Variants in SCN3A observed in about 807,000 individuals in gnomAD.
SCN3A encodes the protein sodium voltage-gated channel alpha subunit 3, also known as sodium channel protein type 3 subunit alpha.
A neutral mutation model predicts 187.6 loss-of-function variants in SCN3A; 60 were observed. The observed-to-expected ratio is 0.32, with a 90% CI of 0.26 to 0.40. The LOEUF (loss-of-function observed/expected upper bound fraction) is 0.40. Among genes scored for constraint, SCN3A ranks in the 10% least tolerant of loss-of-function variants. SCN3A has a pLI of 1.00. For missense variants in SCN3A, 1,601 were observed against 2,428.2 expected (o/e 0.66, Z 7.16); for synonymous variants, 788 against 829.2 (o/e 0.95, Z 0.85).
rs3754961 is a variant in SCN3A at position 165,170,666 on chromosome 2, A to G, written c.265-118T>C. On this transcript the variant is annotated intron_variant, in intron 3 of 27. Coordinates refer to ENST00000283254, the MANE Select transcript of SCN3A (RefSeq NM_006922.4). ...TGTTTGTTCAAACTTGTTTGTTTAAACCAGTTGATATATCATAACTACAAA... is the reference window on the plus strand; with the variant it reads ...TGTTTGTTCAAACTTGTTTGTTTAAGCCAGTTGATATATCATAACTACAAA... The G allele has an allele frequency of 0.19, 127,235 of 678,186 alleles. 16,315 individuals carry two copies. Among genetic ancestry groups the G allele is most frequent in the East Asian group, 0.48 (17,917 of 37,426 alleles). 42.0% of individuals were successfully genotyped at this position (678,186 alleles called of 1,614,324 possible). A position where few individuals can be genotyped will look rare whatever the true frequency, so the allele number is the denominator to read the frequency against.
At position 165,147,032 on chromosome 2, in the gene SCN3A, G is replaced by A. The variant is rs756980047; in HGVS notation, c.1381-3C>T. The A allele has an allele frequency of 7.4e-6, 12 of 1,613,748 alleles. No individual in the cohort carries two copies. In the African/African-American group the frequency reaches 1.5e-4, roughly 20 times the overall value. On this transcript the variant is annotated splice_region_variant and splice_polypyrimidine_tract_variant and intron_variant, in intron 11 of 27. Transcript: ENST00000283254. ...GCAGCTGATGCTGCCGCAACTGCCT[G>A]TCATAAAACAAAGCCAGGCACTATT... is the stretch of plus-strand genomic sequence containing the variant.
At chr2:165,109,877 G>A (rs1233585512) in intron 21 of SCN3A, among the ~76,000 whole-genome samples, 3 of 151,986 alleles carry the variant, frequency 2.0e-5, no homozygotes, top group South Asian at 2.1e-4. Flanking sequence ...TTTTGAGTTC[G>A]GTTTCTACCA....
At chr2:165,168,676 A>G in intron 5 of SCN3A, 60 bp downstream of exon 5, 1 of 1,136,172 alleles carries the variant, frequency 8.8e-7, no homozygotes, top group Non-Finnish European at 1.3e-6. Context: ...TATACCCACA[A>G]GGAGATTGCT....
At chr2:165,126,982 A>G (rs917096922) in intron 18 of SCN3A, among the ~76,000 whole-genome samples, 2 of 152,222 alleles carry the variant, frequency 1.3e-5, no homozygotes, top group African/African-American at 4.8e-5. Context: ...GAGAGTAAGG[A>G]GATGACGAAA....
chr2:165,110,284 T>C (rs1021023460), intron 21 of SCN3A, among the ~76,000 whole-genome samples: 1 of 152,248 alleles, frequency 6.6e-6, no homozygotes, highest in Non-Finnish European at 1.5e-5. Context: ...TATGATCCTT[T>C]ATAAGGTACT....
At chr2:165,126,195 T>C (rs1686978916) in intron 18 of SCN3A, among the ~76,000 whole-genome samples, 1 of 152,238 alleles carries the variant, frequency 6.6e-6, no homozygotes, top group Non-Finnish European at 1.5e-5. Flanking sequence ...AAAACCTGTC[T>C]TTGATAACTC....
chr2:165,090,241 T>C lies in SCN3A; in HGVS notation c.5912A>G (p.Asp1971Gly). The change falls in exon 28 of 28, where the codon GAT becomes GGT. Residue 1971 changes from aspartate (D) to glycine (G), a missense_variant. Asp to Gly is a moderately conservative substitution (Grantham distance 94). This residue lies in a region of SCN3A where 87 missense variants were observed against 89.2 expected (regional missense o/e 0.98). Transcript: ENST00000283254. The surrounding 1 kb of genome is among the most constrained non-coding windows in gnomAD (Gnocchi z 4.0). ...TTCCTTGTCTGGTTTTGTTACACTA[T>C]CATAGGAAGGAGGAGAGGTGGTAGA... Reference protein sequence around the residue: ...SSSTTSPPSYDSVTKPDKEKF... With the variant: ...SSSTTSPPSYGSVTKPDKEKF... 1 of 1,610,908 alleles carries C rather than the reference T, an allele frequency of 6.2e-7. No homozygotes were observed. The highest frequency in any genetic ancestry group is 1.1e-5 in the South Asian group (1 of 90,692).
chr2:165,188,794 C>T (rs947826015), intron 1 of SCN3A, among the ~76,000 whole-genome samples: 2 of 137,282 alleles, frequency 1.5e-5, no homozygotes, highest in East Asian at 2.2e-4. Flanking sequence ...AGATTCCATC[C>T]GCCCCACTTC....
rs1559229366 is a variant in SCN3A at position 165,146,457 on chromosome 2, G to A, written c.1671+282C>T. The stretch of plus-strand genomic sequence containing the variant: ...ATACACACATATATATATACAGGTT[G>A]ATATATAGGTTATATCAATATATAT... On this transcript the variant is annotated intron_variant, in intron 12 of 27. Transcript: ENST00000283254. Among the ~76,000 whole-genome samples the A allele has an allele frequency of 3.5e-5, 5 of 144,178 alleles. 1 individual carries two copies. The highest frequency in any genetic ancestry group is 2.8e-4 in the Admixed American group (4 of 14,346). The allele number at this position is 144,178 out of a possible 152,430, so 94.6% of individuals were successfully genotyped here. A position where few individuals can be genotyped will look rare whatever the true frequency, so the allele number is the denominator to read the frequency against.
At chr2:165,093,594 T>C (rs144379867) in intron 26 of SCN3A, 3 of 152,278 alleles carry the variant, frequency 2.0e-5, no homozygotes, top group Non-Finnish European at 4.4e-5. Flanking sequence ...GAAGTGACCA[T>C]GTTTTAATTT....
At chr2:165,183,914 G>A (rs114467094) in intron 2 of SCN3A, among the ~76,000 whole-genome samples, 2,229 of 152,248 alleles carry the variant, frequency 0.015, 61 homozygotes, top group African/African-American at 0.05. Flanking sequence ...GAGAAGGAGA[G>A]TGTGAGTTGC....
intron 11 of SCN3A, among the ~76,000 whole-genome samples, chr2:165,152,000 C>G (rs1688712061): frequency 6.6e-6 from 1 of 152,098 alleles, no homozygotes; most frequent in Non-Finnish European, 1.5e-5. Context: ...TCCTGCCTAA[C>G]AAATTTTCAA....
rs75032275 is a variant in SCN3A, at chr2:165,179,852, C to T, written c.-50-3408G>A. On this transcript the variant is annotated intron_variant, in intron 2 of 27. Transcript: ENST00000283254. Reference sequence around the variant, plus strand: ...TACTTTTTTCCTCTCCTTTCTTGTACTCTGTGAGCTTATTATACAGAGTTC... The same window carrying T: ...TACTTTTTTCCTCTCCTTTCTTGTATTCTGTGAGCTTATTATACAGAGTTC... 6.9e-3 allele frequency among the ~76,000 whole-genome samples: 1,047 copies of T among 152,182 alleles called. 6 individuals are homozygous for T. The highest frequency in any genetic ancestry group is 0.024 in the African/African-American group (981 of 41,502).
rs1258167439 is a variant in SCN3A, at chr2:165,115,588, T to A, written c.3394-13A>T. 2 of 1,613,188 alleles carry A rather than the reference T, an allele frequency of 1.2e-6. No individual in the cohort carries two copies. Among genetic ancestry groups the A allele is most frequent in the Admixed American group, 1.7e-5 (1 of 59,970 alleles). ...TTGCATTTAATTTCTGGAAACAAAA[T>A]CCCATTTCAAAGATGTGATTTTCCC... On this transcript the variant is annotated splice_polypyrimidine_tract_variant and intron_variant, in intron 18 of 27. Transcript: ENST00000283254.
At chr2:165,163,779 A>G (rs1689558695) in intron 6 of SCN3A, 70 bp from the exon 7 acceptor site, 1 of 1,612,934 alleles carries the variant, frequency 6.2e-7, no homozygotes, top group African/African-American at 1.3e-5. Context: ...GGGGCCTACT[A>G]CCTTACACCA....
intron 18 of SCN3A, among the ~76,000 whole-genome samples, chr2:165,122,007 C>T (rs1686703588): frequency 6.6e-6 from 1 of 152,036 alleles, no homozygotes; most frequent in Non-Finnish European, 1.5e-5. Context: ...AATGGGTACA[C>T]TAGGCCAATT....
chr2:165,130,479 A>G, intron 16 of SCN3A, 183 bp from the exon 17 acceptor site: 3 of 633,846 alleles, frequency 4.7e-6, no homozygotes, highest in Non-Finnish European at 8.1e-6. Context: ...AAATCTGGTC[A>G]TAATATCATT....
intron 20 of SCN3A, 146 bp from the exon 21 acceptor site, chr2:165,113,204 GACTAA>G (rs1686205103): frequency 1.5e-6 from 1 of 671,598 alleles, no homozygotes; most frequent in South Asian, 1.9e-5. Context: ...AAAATCTAAA[GACTAA>G]ACTAAGTGTG....
At chr2:165,191,290 T>C in intron 1 of SCN3A, among the ~76,000 whole-genome samples, 1 of 152,096 alleles carries the variant, frequency 6.6e-6, no homozygotes, top group East Asian at 1.9e-4. Flanking sequence ...GACTCCCATA[T>C]AGCCTGTTTT....
Sources: allele counts gnomAD v4.1 joint callset (sites outside exome capture counted in the v4.1 genomes callset), GRCh38; gene constraint gnomAD v4.1.1; regional missense constraint gnomAD v4.1.1; non-coding constraint Gnocchi (gnomAD v3.1); transcripts MANE v1.5; gene names NCBI Gene and HGNC (gene_info 2026-07-23, HGNC 2026-07-21).